The following HDAC4 variants were observed in gnomAD, a reference collection of about 807,000 sequenced individuals.
HDAC4 encodes the protein histone deacetylase 4.
In HDAC4, 16 loss-of-function variants were observed where a neutral mutation model predicts 135.1. The observed-to-expected ratio is 0.12, with a 90% CI of 0.08 to 0.18. The LOEUF is 0.18. Ranked by LOEUF, HDAC4 falls within the 10% of genes least tolerant of loss-of-function variation. The pLI, the probability that HDAC4 is intolerant of heterozygous loss-of-function variation, is 1.00. For synonymous variants in HDAC4, 685 were observed against 653.4 expected, an observed-to-expected ratio of 1.05 and a Z score of -0.74; for missense variants, 1,143 against 1,511.8, an observed-to-expected ratio of 0.76 and a Z score of 4.05.
chr2:239,120,606 TG>T (rs1364263259), intron 12 of HDAC4, among the ~76,000 whole-genome samples: 1 of 17,538 alleles, frequency 5.7e-5, no homozygotes, highest in African/African-American at 2.3e-4. Flanking sequence ...GGGAGGGAAA[TG>T]GGGGGGCGGG....
At chr2:239,394,719 G>A (rs535255802) in intron 1 of HDAC4, among the ~76,000 whole-genome samples, 92 of 152,270 alleles carry the variant, frequency 6.0e-4, no homozygotes, top group Non-Finnish European at 7.5e-4. Context: ...AGAGGGGCCA[G>A]GCCAGAGGTG....
chr2:239,068,340 A>G lies in HDAC4; in HGVS notation c.2869+149T>C. On this transcript the variant is annotated intron_variant, in intron 23 of 26. Coordinates refer to ENST00000543185, the MANE Select transcript of HDAC4 (RefSeq NM_001378414.1). The surrounding 1 kb of genome is among the most constrained non-coding windows in gnomAD (Gnocchi z 4.4). The stretch of plus-strand genomic sequence containing the variant: ...GGGCTCTCTGGGGCCTCCCAAATGG[A>G]CTGGTTCCCAGTACGGTCAGAACCT... The G allele has an allele frequency of 1.6e-6, 1 of 643,098 alleles. No individual in the cohort carries two copies. Among genetic ancestry groups the G allele is most frequent in the East Asian group, 2.8e-5 (1 of 35,602 alleles). 39.8% of individuals were successfully genotyped at this position (643,098 alleles called of 1,614,324 possible). A position where few individuals can be genotyped will look rare whatever the true frequency, so the allele number is the denominator to read the frequency against.
At chr2:239,126,116 C>T (rs1159918491) in intron 12 of HDAC4, among the ~76,000 whole-genome samples, 1 of 152,246 alleles carries the variant, frequency 6.6e-6, no homozygotes, top group Non-Finnish European at 1.5e-5. Context: ...GGCACTGATG[C>T]ACCACAGGCA....
intron 2 of HDAC4, among the ~76,000 whole-genome samples, chr2:239,324,718 C>A (rs1461601929): frequency 6.6e-6 from 1 of 152,232 alleles, no homozygotes; most frequent in Non-Finnish European, 1.5e-5. Flanking sequence ...CCTGTGGAAA[C>A]CCTGGTCAGT....
At chr2:239,121,781 C>T (rs978967150) in intron 12 of HDAC4, among the ~76,000 whole-genome samples, 1 of 152,222 alleles carries the variant, frequency 6.6e-6, no homozygotes, top group African/African-American at 2.4e-5. Context: ...CTTGCCTTGG[C>T]ACTGACGCAG....
At chr2:239,324,630 G>C (rs958483904) in intron 2 of HDAC4, among the ~76,000 whole-genome samples, 1 of 152,140 alleles carries the variant, frequency 6.6e-6, no homozygotes, top group Admixed American at 6.5e-5. Flanking sequence ...CAGGATGGTC[G>C]GAAGAGCCCC....
At chr2:239,163,445 G>C (rs1344517964) in intron 6 of HDAC4, among the ~76,000 whole-genome samples, 1 of 152,100 alleles carries the variant, frequency 6.6e-6, no homozygotes, top group African/African-American at 2.4e-5. Flanking sequence ...TGGACCCCCA[G>C]ACCACGTCAC....
intron 7 of HDAC4, among the ~76,000 whole-genome samples, chr2:239,150,135 G>A (rs2042017389): frequency 1.3e-5 from 2 of 152,038 alleles, no homozygotes; most frequent in Non-Finnish European, 1.5e-5. Flanking sequence ...TAAAAATAAA[G>A]GTAGAGGAGA....
chr2:239,215,024 G>A (rs1384563316), intron 3 of HDAC4, among the ~76,000 whole-genome samples: 1 of 152,184 alleles, frequency 6.6e-6, no homozygotes, highest in Non-Finnish European at 1.5e-5. Flanking sequence ...TCTAGGATCT[G>A]GAAGGCAGGT....
intron 3 of HDAC4, among the ~76,000 whole-genome samples, chr2:239,219,961 G>C (rs1211742899): frequency 6.6e-6 from 1 of 152,222 alleles, no homozygotes; most frequent in African/African-American, 2.4e-5. Flanking sequence ...CACACAGGAG[G>C]TGTGCATACA....
intron 16 of HDAC4, 107 bp from the exon 17 acceptor site, chr2:239,095,163 G>A: frequency 8.7e-7 from 1 of 1,150,730 alleles, no homozygotes; most frequent in Non-Finnish European, 1.3e-6. Flanking sequence ...GGCATTTGTG[G>A]GACAACGAGG....
At chr2:239,199,862 T>C (rs927899817) in intron 3 of HDAC4, among the ~76,000 whole-genome samples, 3 of 152,008 alleles carry the variant, frequency 2.0e-5, no homozygotes, top group Admixed American at 1.3e-4. Flanking sequence ...GCCTTCCGAG[T>C]AGCTGGGACT....
chr2:239,340,659 G>A (rs1255183144), intron 2 of HDAC4, among the ~76,000 whole-genome samples: 1 of 152,296 alleles, frequency 6.6e-6, no homozygotes, highest in Admixed American at 6.5e-5. Context: ...GGATGCTCAC[G>A]TGTATGTTTG....
intron 2 of HDAC4, among the ~76,000 whole-genome samples, chr2:239,272,818 G>A (rs10201317): frequency 0.031 from 4,792 of 152,306 alleles, 278 homozygotes; most frequent in African/African-American, 0.11. Flanking sequence ...GAGCAGCAGA[G>A]GGGCTCACCT....
At chr2:239,092,661 A>G (rs557299217) in intron 17 of HDAC4, among the ~76,000 whole-genome samples, 1 of 152,264 alleles carries the variant, frequency 6.6e-6, no homozygotes, top group Non-Finnish European at 1.5e-5. Context: ...AGAGAACTCA[A>G]GAGACCCTCC....
At chr2:239,265,947 A>AAAGC (rs2049698952) in intron 2 of HDAC4, among the ~76,000 whole-genome samples, 2 of 152,282 alleles carry the variant, frequency 1.3e-5, no homozygotes, top group South Asian at 2.1e-4. Context: ...AGGTGAGGCC[A>AAAGC]AAGCGAGCTG....
At chr2:239,182,348 C>A (rs571294354) in intron 4 of HDAC4, among the ~76,000 whole-genome samples, 1 of 152,224 alleles carries the variant, frequency 6.6e-6, no homozygotes, top group Non-Finnish European at 1.5e-5. Context: ...AGGGCGGAAA[C>A]GCAGAGCGGA....
chr2:239,298,144 CA>C, intron 2 of HDAC4: 1 of 1,214,246 alleles, frequency 8.2e-7, no homozygotes, highest in Non-Finnish European at 1.1e-6. Flanking sequence ...CAAGAAATTC[CA>C]AACCAAATAA....
chr2:239,396,470 C>T lies in HDAC4; in HGVS notation c.-220+4508G>A, dbSNP rs115265938. On this transcript the variant is annotated intron_variant, in intron 1 of 26. Coordinates refer to ENST00000543185, the MANE Select transcript of HDAC4 (RefSeq NM_001378414.1). ...GACCAGCAACAGGTATCATCAAACT[C>T]GCCAATATGATAGGCATAAAGGGAA... 3.2e-3 allele frequency among the ~76,000 whole-genome samples: 487 copies of T among 152,264 alleles called. 1 individual carries two copies. Among genetic ancestry groups the T allele is most frequent in the African/African-American group, 0.01 (436 of 41,548 alleles).
Sources: gnomAD v4.1 joint callset for allele counts (sites outside exome capture counted in the v4.1 genomes callset) on GRCh38, gnomAD v4.1.1 for gene constraint, Gnocchi (gnomAD v3.1) non-coding constraint, MANE v1.5 for transcripts, NCBI Gene and HGNC (gene_info 2026-07-23, HGNC 2026-07-21) for gene names.